The following PCDHGA5 variants were observed in gnomAD, a reference collection of about 807,000 sequenced individuals.
The protein encoded by PCDHGA5 is protocadherin gamma-A5.
PCDHGA5 carries 36 observed loss-of-function variants against 56.7 expected under a neutral mutation model. The observed-to-expected ratio is 0.64, with a 90% CI of 0.49 to 0.84. The LOEUF (loss-of-function observed/expected upper bound fraction) is 0.84. PCDHGA5 is among the 40% of genes least tolerant of loss of function. PCDHGA5 has a pLI of 0.00. For synonymous variants in PCDHGA5, 563 were observed against 520.2 expected, an observed-to-expected ratio of 1.08 and a Z score of -1.12; for missense variants, 1,305 against 1,201.5, an observed-to-expected ratio of 1.09 and a Z score of -1.27.
intron 2 of PCDHGA5, among the ~76,000 whole-genome samples, chr5:141,496,856 G>A (rs1324235700): frequency 6.7e-6 from 1 of 150,206 alleles, no homozygotes; most frequent in African/African-American, 2.5e-5. Context: ...CAGACCAGCA[G>A]AGGAGACTGA....
intron 1 of PCDHGA5, among the ~76,000 whole-genome samples, chr5:141,456,135 G>A (rs1422353665): frequency 6.6e-6 from 1 of 152,052 alleles, no homozygotes; most frequent in Non-Finnish European, 1.5e-5. Context: ...CTGACCTCCT[G>A]ATCCGCCCGC....
chr5:141,487,176 A>T lies in PCDHGA5; in HGVS notation c.2422-7631A>T. ...ACTCTCTTAGTGTCCTTAGAGGAAG[A>T]CACTCATCCAGTTGTCCCAGATCTT... On this transcript the variant is annotated intron_variant, in intron 1 of 3. Transcript: ENST00000518069. This position sits in a 1 kb window ranked among gnomAD's most constrained non-coding sequence, Gnocchi z 5.0. 1 of 1,613,774 alleles carries T rather than the reference A, an allele frequency of 6.2e-7. No individual in the cohort carries two copies. Among genetic ancestry groups the T allele is most frequent in the South Asian group, 1.1e-5 (1 of 91,082 alleles).
rs572371084 is a variant in PCDHGA5, at chr5:141,364,847, A to G, written c.517A>G (p.Ser173Gly). The change falls in exon 1 of 4, where the codon AGC becomes GGC. Residue 173 changes from serine to glycine, a missense_variant. Ser to Gly is a moderately conservative substitution (Grantham distance 56). Transcript: ENST00000518069. ...GAACTCTCTCCGGAGTTACCAGCTCAGCTCCAATCTGCACTTCTCTCTGGA... is the reference window on the plus strand; with the variant it reads ...GAACTCTCTCCGGAGTTACCAGCTCGGCTCCAATCTGCACTTCTCTCTGGA... Reference protein sequence around the residue: ...GVNSLRSYQLSSNLHFSLDVV... With the variant: ...GVNSLRSYQLGSNLHFSLDVV... 1.2e-6 allele frequency: 2 copies of G among 1,614,006 alleles called. No homozygotes were observed. Among genetic ancestry groups the G allele is most frequent in the Admixed American group, 1.7e-5 (1 of 60,014 alleles).
chr5:141,402,829 T>G (rs921784924), intron 1 of PCDHGA5: 4 of 1,341,920 alleles, frequency 3.0e-6, no homozygotes, highest in Admixed American at 5.9e-5. Context: ...GCTCCCAGGC[T>G]GCAGCAAAAC....
In PCDHGA5 at chr5:141,422,749, A is replaced by G. The variant is rs202046219; in HGVS notation, c.2421+55998A>G. Reference sequence around the variant, plus strand: ...GGTGCCTCTGTCCTCCTATGTCTCTATTAACTCCAACACTGGTGTTCTCTA... The same window carrying G: ...GGTGCCTCTGTCCTCCTATGTCTCTGTTAACTCCAACACTGGTGTTCTCTA... On this transcript the variant is annotated intron_variant, in intron 1 of 3. Coordinates refer to ENST00000518069, the MANE Select transcript of PCDHGA5 (RefSeq NM_018918.3). 269 of 1,611,644 alleles carry G rather than the reference A, an allele frequency of 1.7e-4. 1 individual carries two copies. The African/African-American group carries it at 3.3e-3, about 20-fold the overall frequency.
intron 3 of PCDHGA5, 31 bp downstream of exon 3, chr5:141,505,512 T>C (rs754223095): frequency 6.2e-7 from 1 of 1,613,676 alleles, no homozygotes; most frequent in South Asian, 1.1e-5. Context: ...TATGGAAGAG[T>C]GGGAGACCTG....
chr5:141,395,657 T>C (rs1400217115), intron 1 of PCDHGA5: 1 of 162,996 alleles, frequency 6.1e-6, no homozygotes, highest in African/African-American at 2.4e-5. Context: ...TTAGCAAAAG[T>C]AAAATATATC....
intron 1 of PCDHGA5, chr5:141,427,993 C>G: frequency 6.3e-7 from 1 of 1,599,460 alleles, no homozygotes; most frequent in South Asian, 1.1e-5. Flanking sequence ...CCCGATGGCT[C>G]CGCACTCTTC....
intron 1 of PCDHGA5, among the ~76,000 whole-genome samples, chr5:141,434,452 G>T (rs2097695209): frequency 6.6e-6 from 1 of 152,334 alleles, no homozygotes; most frequent in African/African-American, 2.4e-5. Flanking sequence ...CTGGAAGGTA[G>T]TGGGTTTACC....
intron 1 of PCDHGA5, chr5:141,378,221 G>C (rs1378453601): frequency 6.6e-6 from 1 of 152,182 alleles, no homozygotes; most frequent in Non-Finnish European, 1.5e-5. Context: ...CTGTGTGCCT[G>C]ATAGTATTTA....
At chr5:141,424,245 A>T (rs1196753393) in intron 1 of PCDHGA5, 3 of 155,310 alleles carry the variant, frequency 1.9e-5, no homozygotes, top group African/African-American at 7.2e-5. Context: ...GGTGGCTGGT[A>T]ATATGCTTAG....
At chr5:141,463,526 A>G (rs989086820) in intron 1 of PCDHGA5, among the ~76,000 whole-genome samples, 1 of 131,914 alleles carries the variant, frequency 7.6e-6, no homozygotes, top group Non-Finnish European at 1.5e-5. Flanking sequence ...TCGGCTTACT[A>G]GAAACTCCGG....
Position 141,405,029 on chromosome 5 carries a change from C to G in PCDHGA5, c.2421+38278C>G, listed in dbSNP as rs565871444. 16 of 1,613,976 alleles carry G rather than the reference C, an allele frequency of 9.9e-6. No individual in the cohort carries two copies. The Admixed American group carries it at 1.0e-4, about 10-fold the overall frequency. On this transcript the variant is annotated intron_variant, in intron 1 of 3. Coordinates refer to ENST00000518069, the MANE Select transcript of PCDHGA5 (RefSeq NM_018918.3). ...GGAGGCCTCAGACCTTACCCTCTAC[C>G]TCGTTGTGGCTGTGGCAGTCGTCTC...
Position 141,476,540 on chromosome 5 carries a change from T to C in PCDHGA5, c.2422-18267T>C, listed in dbSNP as rs148362631. On this transcript the variant is annotated intron_variant, in intron 1 of 3. Coordinates refer to ENST00000518069, the MANE Select transcript of PCDHGA5 (RefSeq NM_018918.3). The surrounding 1 kb of genome is among the most constrained non-coding windows in gnomAD (Gnocchi z 7.6). Reference sequence around the variant, plus strand: ...TGCTTTCCCTACCCAGGAAATGAAATTGGAGATTAGCGAGGCCGTGGCTCC... The same window carrying C: ...TGCTTTCCCTACCCAGGAAATGAAACTGGAGATTAGCGAGGCCGTGGCTCC... 9.4e-5 allele frequency: 151 copies of C among 1,614,122 alleles called. 1 individual carries two copies. In the African/African-American group the frequency reaches 1.3e-3, roughly 14 times the overall value.
At chr5:141,502,001 C>T (rs2099812274) in intron 2 of PCDHGA5, among the ~76,000 whole-genome samples, 2 of 152,106 alleles carry the variant, frequency 1.3e-5, no homozygotes, top group Admixed American at 1.3e-4. Flanking sequence ...CCCTGACAAC[C>T]CGCATGCTCT....
In PCDHGA5 at chr5:141,413,117, C is replaced by G. The variant is rs902301902; in HGVS notation, c.2421+46366C>G. 1.9e-5 allele frequency: 29 copies of G among 1,509,004 alleles called. No homozygotes were observed. In the African/African-American group the frequency reaches 4.1e-4, roughly 21 times the overall value. The allele number at this position is 1,509,004 out of a possible 1,614,324, so 93.5% of individuals were successfully genotyped here. ...TGAAGCCACAGAAAGACAAAGGAAC[C>G]GGTTGAAACACACAACGTGTCCAGT... On this transcript the variant is annotated intron_variant, in intron 1 of 3. Transcript: ENST00000518069.
At position 141,366,252 on chromosome 5, in the gene PCDHGA5, G is replaced by A. The variant is rs772676267; in HGVS notation, c.1922G>A (p.Ser641Asn). The change falls in exon 1 of 4, where the codon AGC (serine) becomes AAC (asparagine). Residue 641 changes from serine (S) to asparagine (N), a missense_variant. Coordinates refer to ENST00000518069, the MANE Select transcript of PCDHGA5 (RefSeq NM_018918.3). The stretch of plus-strand genomic sequence containing the variant: ...CTGGACAGAGACGCGCTCAAGCAGA[G>A]CCTCGTGGTGGCCGTCGAAGACCAT... Reference protein sequence around the residue: ...ALLDRDALKQSLVVAVEDHGQ... With the variant: ...ALLDRDALKQNLVVAVEDHGQ... 13 of 1,613,596 alleles carry A rather than the reference G, an allele frequency of 8.1e-6. No individual in the cohort carries two copies. The highest frequency in any genetic ancestry group is 1.1e-5 in the Non-Finnish European group (13 of 1,180,042).
At chr5:141,374,200 G>A (rs372035857) in intron 1 of PCDHGA5, 17 of 1,613,778 alleles carry the variant, frequency 1.1e-5, no homozygotes, top group African/African-American at 2.7e-5. Context: ...CCGAGGAGCT[G>A]GAGAAAGGCT....
At chr5:141,458,730 C>T (rs1239174331) in intron 1 of PCDHGA5, among the ~76,000 whole-genome samples, 1 of 151,928 alleles carries the variant, frequency 6.6e-6, no homozygotes, top group Non-Finnish European at 1.5e-5. Flanking sequence ...CCACCACATC[C>T]AGCTATTGGT....
Sources: gnomAD v4.1 joint callset for allele counts (sites outside exome capture counted in the v4.1 genomes callset) on GRCh38, gnomAD v4.1.1 for gene constraint, Gnocchi (gnomAD v3.1) non-coding constraint, MANE v1.5 for transcripts, NCBI Gene and HGNC (gene_info 2026-07-23, HGNC 2026-07-21) for gene names.